The following KCNH5 variants were observed in gnomAD, a reference collection of about 807,000 sequenced individuals.
KCNH5 encodes the protein voltage-gated delayed rectifier potassium channel KCNH5.
Under a neutral mutation model 96.1 loss-of-function variants are expected in KCNH5, and 46 were observed. That is an observed-to-expected ratio of 0.48 (90% CI 0.38 to 0.61). The LOEUF (loss-of-function observed/expected upper bound fraction) is 0.61, where lower values mean the gene tolerates loss of function less well. Ranked by LOEUF, KCNH5 falls within the 20% of genes least tolerant of loss-of-function variation. The pLI, the probability that KCNH5 is intolerant of heterozygous loss-of-function variation, is 0.00. For missense variants in KCNH5, 907 were observed against 1,225.8 expected (o/e 0.74, Z 3.88); for synonymous variants, 439 against 449.8 (o/e 0.98, Z 0.30).
intron 4 of KCNH5, among the ~76,000 whole-genome samples, chr14:62,991,696 C>G (rs1890811223): frequency 6.6e-6 from 1 of 151,950 alleles, no homozygotes; most frequent in Non-Finnish European, 1.5e-5. Context: ...TGATTAGGGC[C>G]TTCTTGCAGT....
intron 7 of KCNH5, among the ~76,000 whole-genome samples, chr14:62,894,002 C>A (rs944845316): frequency 1.3e-5 from 2 of 152,012 alleles, no homozygotes; most frequent in Non-Finnish European, 2.9e-5. Context: ...ATCTTCCACC[C>A]GCAAAAAGAT....
At chr14:62,860,303 C>G (rs1395454398) in intron 7 of KCNH5, among the ~76,000 whole-genome samples, 1 of 152,176 alleles carries the variant, frequency 6.6e-6, no homozygotes, top group Non-Finnish European at 1.5e-5. Context: ...CCCTATCTAC[C>G]ATTGACACCT....
intron 9 of KCNH5, among the ~76,000 whole-genome samples, chr14:62,780,587 C>T (rs1026944837): frequency 1.3e-5 from 2 of 152,102 alleles, no homozygotes; most frequent in Admixed American, 1.3e-4. Flanking sequence ...ATAAAAAGTG[C>T]TATACTATCA....
chr14:62,825,873 A>G (rs1436987337), intron 8 of KCNH5, among the ~76,000 whole-genome samples: 1 of 151,756 alleles, frequency 6.6e-6, no homozygotes, highest in Non-Finnish European at 1.5e-5. Flanking sequence ...TTTTTCTACT[A>G]TAATGAGAGA....
chr14:62,989,855 T>A (rs1290526169), intron 4 of KCNH5, among the ~76,000 whole-genome samples: 2 of 152,094 alleles, frequency 1.3e-5, no homozygotes, highest in Non-Finnish European at 2.9e-5. Context: ...TTTGCTTTGT[T>A]TGGTAAAAGT....
At chr14:62,742,803 G>C (rs1885298258) in intron 10 of KCNH5, among the ~76,000 whole-genome samples, 1 of 152,152 alleles carries the variant, frequency 6.6e-6, no homozygotes. Context: ...AGAAAAGTTA[G>C]GATCATGGAC....
At chr14:62,770,759 C>T (rs1885968200) in intron 10 of KCNH5, among the ~76,000 whole-genome samples, 1 of 152,334 alleles carries the variant, frequency 6.6e-6, no homozygotes, top group Middle Eastern at 3.4e-3. Flanking sequence ...TGCTGCTGCA[C>T]ATCCATCCCC....
intron 1 of KCNH5, among the ~76,000 whole-genome samples, chr14:63,042,903 G>C (rs1891852723): frequency 6.6e-6 from 1 of 152,076 alleles, no homozygotes; most frequent in Non-Finnish European, 1.5e-5. Flanking sequence ...ACTTCAAACA[G>C]TTCAGGGTCT....
At chr14:63,029,391 A>T (rs1891584468) in intron 1 of KCNH5, among the ~76,000 whole-genome samples, 1 of 152,164 alleles carries the variant, frequency 6.6e-6, no homozygotes. Flanking sequence ...CATTCTGGAT[A>T]GTTACGGAGA....
chr14:62,931,119 C>T (rs902822406), intron 7 of KCNH5, among the ~76,000 whole-genome samples: 1 of 152,016 alleles, frequency 6.6e-6, no homozygotes, highest in Admixed American at 6.6e-5. Context: ...TTGTATATAA[C>T]AGCAGAGGAC....
At chr14:62,989,353 T>A (rs928763908) in intron 4 of KCNH5, among the ~76,000 whole-genome samples, 1 of 152,050 alleles carries the variant, frequency 6.6e-6, no homozygotes, top group Non-Finnish European at 1.5e-5. Flanking sequence ...ATGCTCTGCA[T>A]CCCAGCCTTA....
At chr14:62,766,127 G>T (rs1885854103) in intron 10 of KCNH5, among the ~76,000 whole-genome samples, 1 of 152,030 alleles carries the variant, frequency 6.6e-6, no homozygotes, top group Non-Finnish European at 1.5e-5. Flanking sequence ...AAACTATAAT[G>T]AGTTATCACC....
chr14:62,997,261 C>A (rs1358751987), intron 4 of KCNH5, among the ~76,000 whole-genome samples: 2 of 151,894 alleles, frequency 1.3e-5, no homozygotes, highest in African/African-American at 4.8e-5. Context: ...AGGATGGTTA[C>A]AAGAGGCTGG....
At chr14:62,992,118 C>T (rs570595159) in intron 4 of KCNH5, among the ~76,000 whole-genome samples, 88 of 151,964 alleles carry the variant, frequency 5.8e-4, no homozygotes, top group African/African-American at 1.8e-3. Context: ...CTTAAGATAA[C>T]GGATTCCAAT....
Position 63,016,823 on chromosome 14 carries a change from T to C in KCNH5, c.197+8A>G. On this transcript the variant is annotated splice_region_variant and intron_variant, in intron 2 of 10. Coordinates refer to ENST00000322893, the MANE Select transcript of KCNH5 (RefSeq NM_139318.5). Reference sequence around the variant, plus strand: ...CAGAAAAGATTACTTAGCTATTCTGTTACCTACCTGCAAGTGCTGCTTTTC... The same window carrying C: ...CAGAAAAGATTACTTAGCTATTCTGCTACCTACCTGCAAGTGCTGCTTTTC... 6.2e-7 allele frequency: 1 copy of C among 1,605,458 alleles called. No individual in the cohort carries two copies. Among genetic ancestry groups the C allele is most frequent in the East Asian group, 2.2e-5 (1 of 44,756 alleles).
chr14:62,871,675 G>A (rs1035413279), intron 7 of KCNH5, among the ~76,000 whole-genome samples: 1 of 152,164 alleles, frequency 6.6e-6, no homozygotes, highest in African/African-American at 2.4e-5. Flanking sequence ...GCAAGAAAAT[G>A]TGCATTATAG....
chr14:63,007,536 T>C (rs1470991498), intron 2 of KCNH5, among the ~76,000 whole-genome samples: 2 of 152,182 alleles, frequency 1.3e-5, no homozygotes, highest in Non-Finnish European at 2.9e-5. Flanking sequence ...TCTCCCTGCA[T>C]TGATAACCAA....
At chr14:62,794,646 C>A (rs565108063) in intron 9 of KCNH5, among the ~76,000 whole-genome samples, 35 of 152,060 alleles carry the variant, frequency 2.3e-4, no homozygotes, top group African/African-American at 8.2e-4. Flanking sequence ...AATCAGACTT[C>A]CAAAGACGCC....
chr14:62,978,095 A>C (rs1372700597), intron 6 of KCNH5, among the ~76,000 whole-genome samples: 2 of 152,238 alleles, frequency 1.3e-5, no homozygotes, highest in Non-Finnish European at 2.9e-5. Context: ...AGCAGCCTTC[A>C]GTTAACTGTG....
Sources: allele counts gnomAD v4.1 joint callset (sites outside exome capture counted in the v4.1 genomes callset), GRCh38; gene constraint gnomAD v4.1.1; transcripts MANE v1.5; gene names NCBI Gene and HGNC (gene_info 2026-07-23, HGNC 2026-07-21).